Variants in NEDD8 observed in about 807,000 individuals in gnomAD.
The protein encoded by NEDD8 is ubiquitin-like protein NEDD8.
In NEDD8, 1 loss-of-function variant was observed where a neutral mutation model predicts 13.8. The observed-to-expected ratio is 0.07, with a 90% CI of 0.03 to 0.34. The LOEUF is 0.34. NEDD8 is among the 10% of genes least tolerant of loss of function. NEDD8 has a pLI of 0.99. For synonymous variants in NEDD8, 31 were observed against 33.2 expected (o/e 0.93, Z 0.23); for missense variants, 10 against 95.2 (o/e 0.10, Z 3.73).
At chr14:24,224,292 G>A (rs1206249928) in intron 1 of NEDD8, among the ~76,000 whole-genome samples, 2 of 151,794 alleles carry the variant, frequency 1.3e-5, no homozygotes, top group Non-Finnish European at 2.9e-5. Flanking sequence ...TCGAACTCCT[G>A]ACCTCAAATG....
At chr14:24,229,994 C>A (rs1234512833) in intron 1 of NEDD8, among the ~76,000 whole-genome samples, 1 of 151,730 alleles carries the variant, frequency 6.6e-6, no homozygotes, top group African/African-American at 2.4e-5. Flanking sequence ...CGCTTGAACC[C>A]GGGAGGCGGA....
chr14:24,228,785 TC>T (rs1199861431), intron 1 of NEDD8: 1 of 149,362 alleles, frequency 6.7e-6, no homozygotes, highest in African/African-American at 2.5e-5. Flanking sequence ...AATTAACAGC[TC>T]TTTTTTTTCT....
At chr14:24,218,536 A>G in intron 1 of NEDD8, 105 bp from the exon 2 acceptor site, 2 of 1,492,560 alleles carry the variant, frequency 1.3e-6, no homozygotes, top group South Asian at 2.3e-5. Context: ...CTTCTAAAAG[A>G]TGCATATTCT....
intron 1 of NEDD8, among the ~76,000 whole-genome samples, chr14:24,221,235 A>G (rs2039803028): frequency 6.6e-6 from 1 of 152,240 alleles, no homozygotes; most frequent in African/African-American, 2.4e-5. Flanking sequence ...AACTTTAAAA[A>G]GACAAAATAA....
In NEDD8 at chr14:24,222,615, C is replaced by T. The variant is rs893332841; in HGVS notation, c.19-4184G>A. ...TTGTAGAAATATAATACAAGCCATA[C>T]ATGCAATTTTTAAATTTACTAGTAG... On this transcript the variant is annotated intron_variant, in intron 1 of 3. Coordinates refer to ENST00000250495, the MANE Select transcript of NEDD8 (RefSeq NM_006156.3). Among the ~76,000 whole-genome samples the T allele has an allele frequency of 2.6e-5, 4 of 152,180 alleles. No homozygotes were observed. In the South Asian group the frequency reaches 8.3e-4, roughly 31 times the overall value.
At chr14:24,226,328 C>A (rs888506032) in intron 1 of NEDD8, among the ~76,000 whole-genome samples, 2 of 150,808 alleles carry the variant, frequency 1.3e-5, no homozygotes, top group African/African-American at 4.9e-5. Flanking sequence ...CCTGTCTCTA[C>A]CAAAAATACA....
intron 1 of NEDD8, among the ~76,000 whole-genome samples, chr14:24,229,804 G>C (rs557321658): frequency 6.6e-6 from 1 of 152,244 alleles, no homozygotes; most frequent in East Asian, 1.9e-4. Context: ...GGCCGGGCGC[G>C]GTGGCTCATG....
At chr14:24,217,363 C>G (rs538813487) in intron 3 of NEDD8, 140 bp from the exon 4 acceptor site, 2 of 657,864 alleles carry the variant, frequency 3.0e-6, no homozygotes, top group African/African-American at 3.7e-5. Context: ...GATCTCAGCT[C>G]ACTGCAACTT....
chr14:24,231,928 G>A lies in NEDD8; in HGVS notation c.18+322C>T, dbSNP rs567155514. On this transcript the variant is annotated intron_variant, in intron 1 of 3. Coordinates refer to ENST00000250495, the MANE Select transcript of NEDD8 (RefSeq NM_006156.3). Reference sequence around the variant, plus strand: ...AGAATCTGAGAGACGGGGGAGTCAAGCCGCTGCTAGGCCTTCTCTATGACT... The same window carrying A: ...AGAATCTGAGAGACGGGGGAGTCAAACCGCTGCTAGGCCTTCTCTATGACT... 19 of 339,230 alleles carry A rather than the reference G, an allele frequency of 5.6e-5. No individual in the cohort carries two copies. In the East Asian group the frequency reaches 9.8e-4, roughly 18 times the overall value. The allele number at this position is 339,230 out of a possible 1,614,324, so 21.0% of individuals were successfully genotyped here. A position where few individuals can be genotyped will look rare whatever the true frequency, so the allele number is the denominator to read the frequency against.
intron 1 of NEDD8, among the ~76,000 whole-genome samples, chr14:24,223,863 T>C (rs1167909506): frequency 2.0e-5 from 3 of 152,022 alleles, no homozygotes. Context: ...GCCTCCCAAG[T>C]AGCTGGGGTT....
chr14:24,230,885 T>C (rs1168529308), intron 1 of NEDD8, among the ~76,000 whole-genome samples: 1 of 152,146 alleles, frequency 6.6e-6, no homozygotes, highest in East Asian at 1.9e-4. Flanking sequence ...CCCAAAGTGC[T>C]GGGATTACAG....
intron 1 of NEDD8, among the ~76,000 whole-genome samples, chr14:24,222,665 G>A (rs1449446052): frequency 6.6e-6 from 1 of 151,946 alleles, no homozygotes; most frequent in African/African-American, 2.4e-5. Context: ...TTCTTTAAGA[G>A]GTAAAATTTT....
At chr14:24,221,604 A>T (rs1320105976) in intron 1 of NEDD8, among the ~76,000 whole-genome samples, 1 of 150,418 alleles carries the variant, frequency 6.6e-6, no homozygotes, top group Admixed American at 6.7e-5. Context: ...TTATTTATTT[A>T]TTTATTTTGA....
At chr14:24,226,445 CAA>C (rs34325177) in intron 1 of NEDD8, among the ~76,000 whole-genome samples, 1,662 of 109,272 alleles carry the variant, frequency 0.015, 21 homozygotes, top group African/African-American at 0.046. Context: ...GACTCCATCT[CAA>C]AAAAAAAAAA....
intron 1 of NEDD8, among the ~76,000 whole-genome samples, chr14:24,220,499 A>AT (rs1353759560): frequency 6.6e-6 from 1 of 151,856 alleles, no homozygotes; most frequent in Non-Finnish European, 1.5e-5. Context: ...TATTTTTAAG[A>AT]TTTTTTTGTA....
intron 1 of NEDD8, among the ~76,000 whole-genome samples, chr14:24,218,946 A>G (rs1174823126): frequency 1.3e-5 from 2 of 151,928 alleles, no homozygotes; most frequent in Non-Finnish European, 2.9e-5. Context: ...GGATTTCTCC[A>G]TGTTGATCAG....
rs761636517 is a variant in NEDD8, at chr14:24,232,239, G to A, written c.18+11C>T. On this transcript the variant is annotated intron_variant, in intron 1 of 3. Coordinates refer to ENST00000250495, the MANE Select transcript of NEDD8 (RefSeq NM_006156.3). ...ACTACTGCGTCTTGGCAAGGCTGGA[G>A]GTGCTCCCACCTTCACTTTAATTAG... The A allele has an allele frequency of 1.2e-6, 2 of 1,614,026 alleles. No individual in the cohort carries two copies. The highest frequency in any genetic ancestry group is 2.7e-5 in the African/African-American group (2 of 74,920).
At chr14:24,223,923 ATTATTT>A (rs971970399) in intron 1 of NEDD8, among the ~76,000 whole-genome samples, 10 of 150,572 alleles carry the variant, frequency 6.6e-5, no homozygotes, top group South Asian at 2.1e-4. Context: ...TGTATTTTTT[ATTATTT>A]TTATTTTTAT....
chr14:24,231,988 C>G (rs1484341753), intron 1 of NEDD8: 1 of 496,830 alleles, frequency 2.0e-6, no homozygotes, highest in South Asian at 3.1e-5. Context: ...CCGACAAAAG[C>G]GACCCCATTC....
Sources: gnomAD v4.1 joint callset for allele counts (sites outside exome capture counted in the v4.1 genomes callset) on GRCh38, gnomAD v4.1.1 for gene constraint, MANE v1.5 for transcripts, NCBI Gene and HGNC (gene_info 2026-07-23, HGNC 2026-07-21) for gene names.